The following SLC4A4 variants were observed in gnomAD, a reference collection of about 807,000 sequenced individuals.
SLC4A4 encodes electrogenic sodium bicarbonate cotransporter 1.
SLC4A4 carries 27 observed loss-of-function variants against 111.5 expected under a neutral mutation model. The ratio of observed to expected loss-of-function variants is 0.24; its 90% confidence interval spans 0.18 to 0.33. The LOEUF is 0.33. SLC4A4 is among the 10% of genes least tolerant of loss of function. The pLI is 1.00. For missense variants in SLC4A4, 909 were observed against 1,315.5 expected (o/e 0.69, Z 4.78); for synonymous variants, 443 against 463.4 (o/e 0.96, Z 0.57).
chr4:71,558,348 A>G (rs1736656148), intron 22 of SLC4A4, among the ~76,000 whole-genome samples: 1 of 151,944 alleles, frequency 6.6e-6, no homozygotes, highest in Non-Finnish European at 1.5e-5. Context: ...GAACTCATCC[A>G]GTACATTAGA....
chr4:71,407,311 C>G (rs1331988993), intron 7 of SLC4A4, among the ~76,000 whole-genome samples: 1 of 152,082 alleles, frequency 6.6e-6, no homozygotes, highest in East Asian at 1.9e-4. Flanking sequence ...TTAAAATACT[C>G]AATGTTATGT....
intron 2 of SLC4A4, among the ~76,000 whole-genome samples, chr4:71,105,522 T>A (rs1444791742): frequency 1.3e-5 from 2 of 151,152 alleles, no homozygotes; most frequent in Non-Finnish European, 2.9e-5. Context: ...CTTGAAACTA[T>A]ACTACAAGGC....
At chr4:71,200,843 C>G (rs2149002802) in intron 1 of SLC4A4, among the ~76,000 whole-genome samples, 1 of 151,572 alleles carries the variant, frequency 6.6e-6, no homozygotes, top group African/African-American at 2.4e-5. Context: ...GCACAGCTGA[C>G]ACACCCCACG....
intron 17 of SLC4A4, 99 bp from the exon 18 acceptor site, chr4:71,534,128 T>C (rs1284895614): frequency 1.0e-6 from 1 of 953,342 alleles, no homozygotes; most frequent in East Asian, 2.5e-5. Context: ...AATATGTTGG[T>C]TATCCAAATA....
intron 2 of SLC4A4, among the ~76,000 whole-genome samples, chr4:71,237,058 A>T (rs1013307617): frequency 3.3e-5 from 5 of 152,360 alleles, no homozygotes; most frequent in Non-Finnish European, 7.3e-5. Flanking sequence ...TAGATACTAC[A>T]GAAGGATAAT....
At chr4:71,553,387 A>T (rs565112695) in intron 20 of SLC4A4, among the ~76,000 whole-genome samples, 1 of 151,872 alleles carries the variant, frequency 6.6e-6, no homozygotes, top group Non-Finnish European at 1.5e-5. Flanking sequence ...TTAGAACCAC[A>T]TTAGAAAAAA....
chr4:71,151,963 A>G (rs1042379985), intron 2 of SLC4A4, among the ~76,000 whole-genome samples: 6 of 151,870 alleles, frequency 4.0e-5, no homozygotes, highest in African/African-American at 1.5e-4. Context: ...TATTGGGACT[A>G]CAGTGAGCCA....
chr4:71,387,133 G>A (rs1718809707), intron 6 of SLC4A4, among the ~76,000 whole-genome samples: 1 of 152,148 alleles, frequency 6.6e-6, no homozygotes, highest in South Asian at 2.1e-4. Flanking sequence ...CCTTACTCCT[G>A]CCTCCATTGT....
chr4:71,211,786 T>G (rs1460113937), intron 1 of SLC4A4, among the ~76,000 whole-genome samples: 29 of 143,298 alleles, frequency 2.0e-4, no homozygotes, highest in South Asian at 4.6e-4. Context: ...TTTTTTTTTT[T>G]TTTTTGTGTG....
chr4:71,418,861 C>T (rs36089904), intron 7 of SLC4A4, among the ~76,000 whole-genome samples: 30,029 of 152,026 alleles, frequency 0.2, 3,315 homozygotes, highest in South Asian at 0.42. Context: ...GATGTACAGA[C>T]GGGTTTTTGG....
chr4:71,149,540 G>T (rs976254455), intron 2 of SLC4A4, among the ~76,000 whole-genome samples: 4 of 152,104 alleles, frequency 2.6e-5, no homozygotes, highest in Non-Finnish European at 5.9e-5. Flanking sequence ...CAACTTTCAG[G>T]TGTGAGCAAG....
chr4:71,451,213 A>G lies in SLC4A4; in HGVS notation c.1234A>G (p.Asn412Asp), dbSNP rs1174897900. ...AAAGAATATGTACTCAGGTGGAGAG[A>G]ATGTTCAGATGAATGGGGATACGCC... ...KRKNMYSGGENVQMNGDTPHD... is the reference protein window; with the variant it reads ...KRKNMYSGGEDVQMNGDTPHD... Residue 412 changes from asparagine to aspartate, a missense_variant, in exon 11 of 26, where the codon AAT (asparagine) becomes GAT (aspartate). This residue lies in a region of SLC4A4 where 312 missense variants were observed against 402.0 expected (regional missense o/e 0.78). Coordinates refer to ENST00000264485, the MANE Select transcript of SLC4A4 (RefSeq NM_001098484.3). 1 of 1,610,456 alleles carries G rather than the reference A, an allele frequency of 6.2e-7. No individual in the cohort carries two copies. Among genetic ancestry groups the G allele is most frequent in the African/African-American group, 1.3e-5 (1 of 74,822 alleles).
intron 6 of SLC4A4, among the ~76,000 whole-genome samples, chr4:71,359,853 G>A (rs188553291): frequency 6.6e-6 from 1 of 152,118 alleles, no homozygotes; most frequent in African/African-American, 2.4e-5. Flanking sequence ...TTAATCATAG[G>A]CTACAAAATA....
intron 14 of SLC4A4, 25 bp downstream of exon 14, chr4:71,472,995 A>G: frequency 1.2e-6 from 2 of 1,612,562 alleles, no homozygotes; most frequent in Non-Finnish European, 1.7e-6. Flanking sequence ...CTTTGTGTTT[A>G]TGCTCGCTTT....
Position 71,560,228 on chromosome 4 carries a change from G to A in SLC4A4, c.3073G>A (p.Gly1025Arg). 1.2e-6 allele frequency: 2 copies of A among 1,609,728 alleles called. No homozygotes were observed. Among genetic ancestry groups the A allele is most frequent in the Non-Finnish European group, 1.7e-6 (2 of 1,177,520 alleles). Residue 1025 changes from glycine to arginine, a missense_variant, in exon 23 of 26, where the codon GGA becomes AGA. Around this residue, in one of 7 missense-constraint regions of SLC4A4, gnomAD observed 85 missense variants for 79.8 expected, o/e 1.07. Transcript: ENST00000264485. ...EDEKKKKKKK[G>R]SLDSDNDDSD... The stretch of plus-strand genomic sequence containing the variant: ...TGAGAAGAAAAAGAAAAAGAAGAAG[G>A]GAAGTCTGGACAGTGACAATGATGA...
At position 71,385,169 on chromosome 4, in the gene SLC4A4, A is replaced by ATT. The variant is rs1236746671; in HGVS notation, c.731-12406_731-12405dup. ...ACTTTTTATTGTCAATATAGGTTAG[A>ATT]TTTATATATATATATATATATATTT... On this transcript the variant is annotated intron_variant, in intron 6 of 25. Coordinates refer to ENST00000264485, the MANE Select transcript of SLC4A4 (RefSeq NM_001098484.3). Among the ~76,000 whole-genome samples, 456 of 48,056 alleles carry ATT rather than the reference A, an allele frequency of 9.5e-3. 1 individual carries two copies. Among genetic ancestry groups the ATT allele is most frequent in the Non-Finnish European group, 0.02 (392 of 19,742 alleles). The allele number at this position is 48,056 out of a possible 152,430, so 31.5% of individuals were successfully genotyped here.
At chr4:71,446,967 G>A (rs1725294730) in intron 8 of SLC4A4, among the ~76,000 whole-genome samples, 1 of 152,344 alleles carries the variant, frequency 6.6e-6, no homozygotes, top group Non-Finnish European at 1.5e-5. Flanking sequence ...TATGTTTCAG[G>A]ACCTGTTTGC....
chr4:71,339,137 CCTT>C, intron 3 of SLC4A4: 6 of 1,611,554 alleles, frequency 3.7e-6, no homozygotes, highest in Non-Finnish European at 5.1e-6. Context: ...GGAGTGCTGT[CCTT>C]CTGGAGAGTG....
At chr4:71,348,559 C>T (rs1296020503) in intron 4 of SLC4A4, among the ~76,000 whole-genome samples, 1 of 152,112 alleles carries the variant, frequency 6.6e-6, no homozygotes, top group Non-Finnish European at 1.5e-5. Context: ...AAGGTTGATA[C>T]AAGGTTACCA....
Sources: gnomAD v4.1 joint callset for allele counts (sites outside exome capture counted in the v4.1 genomes callset) on GRCh38, gnomAD v4.1.1 for gene constraint, gnomAD v4.1.1 regional missense constraint, MANE v1.5 for transcripts, NCBI Gene and HGNC (gene_info 2026-07-23, HGNC 2026-07-21) for gene names.